Variants in FGGY observed in about 807,000 individuals in gnomAD.
The protein encoded by FGGY is FGGY carbohydrate kinase domain-containing protein.
FGGY carries 72 observed loss-of-function variants against 71.3 expected under a neutral mutation model. That is an observed-to-expected ratio of 1.01 (90% CI 0.84 to 1.23). The LOEUF is 1.23. Ranked by LOEUF, FGGY falls within the 50% of genes most tolerant of loss-of-function variation. The pLI, the probability that FGGY is intolerant of heterozygous loss-of-function variation, is 0.00. For synonymous variants in FGGY, 251 were observed against 250.3 expected (o/e 1.00, Z -0.02); for missense variants, 668 against 682.3 (o/e 0.98, Z 0.23).
At chr1:59,600,982 C>CT (rs377505663) in intron 8 of FGGY, among the ~76,000 whole-genome samples, 2,754 of 127,004 alleles carry the variant, frequency 0.022, 73 homozygotes, top group African/African-American at 0.051. Context: ...ATTCTCTATG[C>CT]TTTTTTTTTT....
intron 6 of FGGY, among the ~76,000 whole-genome samples, chr1:59,473,372 T>C (rs1572621893): frequency 1.3e-5 from 2 of 152,100 alleles, no homozygotes; most frequent in African/African-American, 4.8e-5. Flanking sequence ...CGAACACATC[T>C]GAACATCAGA....
At chr1:59,370,010 T>C (rs1431574507) in intron 4 of FGGY, among the ~76,000 whole-genome samples, 1 of 152,078 alleles carries the variant, frequency 6.6e-6, no homozygotes, top group Non-Finnish European at 1.5e-5. Flanking sequence ...AGAGCCCCTC[T>C]CCTCCTCCAA....
intron 5 of FGGY, among the ~76,000 whole-genome samples, chr1:59,419,059 G>A (rs1339610636): frequency 6.6e-6 from 1 of 152,194 alleles, no homozygotes; most frequent in African/African-American, 2.4e-5. Flanking sequence ...CTGTAGAGAA[G>A]GCTAGGAATA....
chr1:59,670,793 A>G (rs911683957), intron 13 of FGGY, among the ~76,000 whole-genome samples: 1 of 152,196 alleles, frequency 6.6e-6, no homozygotes, highest in Non-Finnish European at 1.5e-5. Context: ...ACAAGCAGGG[A>G]GAGCGGGGCC....
At chr1:59,723,261 A>G (rs1034091215) in intron 14 of FGGY, among the ~76,000 whole-genome samples, 3 of 152,188 alleles carry the variant, frequency 2.0e-5, no homozygotes, top group African/African-American at 7.2e-5. Context: ...ATATCTATAA[A>G]TATTTCTGTA....
chr1:59,684,193 A>G (rs1314272073), intron 14 of FGGY, among the ~76,000 whole-genome samples: 1 of 152,242 alleles, frequency 6.6e-6, no homozygotes, highest in Non-Finnish European at 1.5e-5. Context: ...GGTTGGGCAC[A>G]GATGGATACA....
At chr1:59,663,358 T>C (rs1207218559) in intron 12 of FGGY, among the ~76,000 whole-genome samples, 3 of 152,218 alleles carry the variant, frequency 2.0e-5, no homozygotes, top group Non-Finnish European at 2.9e-5. Flanking sequence ...GAAATAAGCT[T>C]TCAGATATTC....
At chr1:59,406,522 G>T (rs2062785443) in intron 5 of FGGY, among the ~76,000 whole-genome samples, 1 of 152,196 alleles carries the variant, frequency 6.6e-6, no homozygotes, top group African/African-American at 2.4e-5. Flanking sequence ...TCAGGCAGGA[G>T]TTAAGTGCTG....
At chr1:59,451,898 C>T (rs1402647479) in intron 5 of FGGY, among the ~76,000 whole-genome samples, 4 of 152,052 alleles carry the variant, frequency 2.6e-5, no homozygotes, top group African/African-American at 9.7e-5. Flanking sequence ...GTAACCTATT[C>T]TTTCTGTCTG....
At chr1:59,315,787 T>C (rs144752800) in intron 1 of FGGY, 1 of 152,350 alleles carries the variant, frequency 6.6e-6, no homozygotes, top group East Asian at 1.9e-4. Context: ...CTCTAAAAGT[T>C]TGGGGAACCA....
chr1:59,416,846 G>A (rs977480741), intron 5 of FGGY, among the ~76,000 whole-genome samples: 1 of 152,072 alleles, frequency 6.6e-6, no homozygotes, highest in Non-Finnish European at 1.5e-5. Flanking sequence ...AAGTCCCATG[G>A]CCACTCTTAG....
intron 5 of FGGY, among the ~76,000 whole-genome samples, chr1:59,431,763 GT>G (rs2153460892): frequency 6.6e-6 from 1 of 152,254 alleles, no homozygotes; most frequent in African/African-American, 2.4e-5. Context: ...TCTGTTCCAG[GT>G]TTGTGACACA....
chr1:59,399,757 T>C (rs1431231706), intron 5 of FGGY, among the ~76,000 whole-genome samples: 1 of 152,216 alleles, frequency 6.6e-6, no homozygotes. Context: ...AGACACTTCT[T>C]AAGAATGGAT....
At position 59,540,579 on chromosome 1, in the gene FGGY, G is replaced by A. The variant is rs74086224; in HGVS notation, c.800-13545G>A. ...CATGGTATTTGGAAAAGGACATGAG[G>A]TTTATTTCTTGATCTGGATAGGTGT... On this transcript the variant is annotated intron_variant, in intron 7 of 15. Transcript: ENST00000303721. Among the ~76,000 whole-genome samples, 1,459 of 152,284 alleles carry A rather than the reference G, an allele frequency of 9.6e-3. 24 individuals are homozygous for A. Among genetic ancestry groups the A allele is most frequent in the African/African-American group, 0.033 (1,382 of 41,562 alleles).
At chr1:59,616,504 A>G (rs1174314308) in intron 9 of FGGY, among the ~76,000 whole-genome samples, 3 of 152,282 alleles carry the variant, frequency 2.0e-5, no homozygotes, top group South Asian at 4.1e-4. Flanking sequence ...GTGGAGAGGG[A>G]TAGCATTAGG....
Position 59,467,043 on chromosome 1 carries a change from C to T in FGGY, c.670+9967C>T, listed in dbSNP as rs370489978. ...TATACATCATGCTACTATAAAGACA[C>T]GCGTACACGTATTTTTATTGGGGCA... On this transcript the variant is annotated intron_variant, in intron 6 of 15. Transcript: ENST00000303721. Among the ~76,000 whole-genome samples, 54 of 152,234 alleles carry T rather than the reference C, an allele frequency of 3.5e-4. No individual in the cohort carries two copies. The South Asian group carries it at 4.8e-3, about 13-fold the overall frequency.
intron 6 of FGGY, among the ~76,000 whole-genome samples, chr1:59,476,012 C>G (rs369026229): frequency 1.3e-5 from 2 of 152,214 alleles, no homozygotes; most frequent in South Asian, 4.1e-4. Context: ...CATGCCCCCA[C>G]GTAGTCACCA....
chr1:59,481,782 A>G (rs1396550583), intron 6 of FGGY, among the ~76,000 whole-genome samples: 2 of 152,202 alleles, frequency 1.3e-5, no homozygotes, highest in Non-Finnish European at 2.9e-5. Context: ...TAAACTGAAC[A>G]GATTTCTGAC....
chr1:59,429,597 C>G (rs915969344), intron 5 of FGGY, among the ~76,000 whole-genome samples: 2 of 152,194 alleles, frequency 1.3e-5, no homozygotes, highest in Non-Finnish European at 1.5e-5. Context: ...AACACATGTA[C>G]AACTCTTAAA....
Sources: gnomAD v4.1 joint callset for allele counts (sites outside exome capture counted in the v4.1 genomes callset) on GRCh38, gnomAD v4.1.1 for gene constraint, MANE v1.5 for transcripts, NCBI Gene and HGNC (gene_info 2026-07-23, HGNC 2026-07-21) for gene names.